TRIM32: variants seen among roughly 807,000 people sequenced by gnomAD.
TRIM32 encodes tripartite motif containing 32.
TRIM32 carries 19 observed loss-of-function variants against 36.0 expected under a neutral mutation model. The observed-to-expected ratio is 0.53, with a 90% confidence interval of 0.37 to 0.77. The LOEUF is 0.77. Ranked by LOEUF, TRIM32 falls within the 30% of genes least tolerant of loss-of-function variation. The probability of loss-of-function intolerance (pLI) is 0.00; values close to 1 mark genes in which losing one functional copy is unlikely to be tolerated. For missense variants in TRIM32, 747 were observed against 845.2 expected (o/e 0.88, Z 1.44); for synonymous variants, 309 against 318.5 (o/e 0.97, Z 0.32).
intron 1 of TRIM32, among the ~76,000 whole-genome samples, chr9:116,692,387 C>T (rs1860615362): frequency 2.0e-5 from 3 of 152,166 alleles, no homozygotes; most frequent in Admixed American, 2.0e-4. Flanking sequence ...GCAGCAGTTG[C>T]TGCTACTGCT....
Position 116,699,256 on chromosome 9 carries a change from T to G in TRIM32, c.1514T>G (p.Val505Gly). The G allele has an allele frequency of 1.2e-6, 2 of 1,614,174 alleles. No individual in the cohort carries two copies. Among genetic ancestry groups the G allele is most frequent in the Non-Finnish European group, 8.5e-7 (1 of 1,180,028 alleles). Residue 505 changes from valine to glycine, a missense_variant, in exon 2 of 2, where the codon GTC becomes GGC. Val to Gly is a moderately radical substitution (Grantham distance 109). Coordinates refer to ENST00000450136, the MANE Select transcript of TRIM32 (RefSeq NM_012210.4). This position sits in a 1 kb window ranked among gnomAD's most constrained non-coding sequence, Gnocchi z 4.2. ...ACAGTTGATCGAGGATCAGGGGTGGTCAAATACAGCTGCCTATGTAGTGCT... is the reference window on the plus strand; with the variant it reads ...ACAGTTGATCGAGGATCAGGGGTGGGCAAATACAGCTGCCTATGTAGTGCT... Reference protein sequence around the residue: ...CFTVDRGSGVVKYSCLCSAVR... With the variant: ...CFTVDRGSGVGKYSCLCSAVR...
intron 1 of TRIM32, among the ~76,000 whole-genome samples, chr9:116,689,870 T>C (rs1266479560): frequency 6.6e-6 from 1 of 152,096 alleles, no homozygotes; most frequent in Non-Finnish European, 1.5e-5. Context: ...ATGGAGGCCA[T>C]TGGCTTGAAA....
rs575633576 is a variant in TRIM32 at position 116,697,811 on chromosome 9, C to T, written c.69C>T (p.Cys23=). 2.2e-5 allele frequency: 35 copies of T among 1,614,078 alleles called. No individual in the cohort carries two copies. The highest frequency in any genetic ancestry group is 2.6e-5 in the Non-Finnish European group (31 of 1,180,052). ...GGGAAGTGCTAGAATGCCCCATCTGCATGGAGTCCTTCACAGAAGAGCAGC... is the reference window on the plus strand; with the variant it reads ...GGGAAGTGCTAGAATGCCCCATCTGTATGGAGTCCTTCACAGAAGAGCAGC... ...ALREVLECPI[C]MESFTEEQLR... is the part of the protein sequence containing the mutation. Residue 23 remains cysteine (C), a synonymous_variant, in exon 2 of 2, where the codon TGC becomes TGT. Transcript: ENST00000450136.
rs533687160 is a variant in TRIM32 at position 116,695,947 on chromosome 9, A to C, written c.-81-1715A>C. 9.2e-5 allele frequency among the ~76,000 whole-genome samples: 14 copies of C among 151,950 alleles called. No individual in the cohort carries two copies. The South Asian group carries it at 2.9e-3, about 32-fold the overall frequency. On this transcript the variant is annotated intron_variant, in intron 1 of 1. Transcript: ENST00000450136. Reference sequence around the variant, plus strand: ...TCTTTGGCTATCTCTGCTCTTCACCACTCCCCCACCATAATCCACTCACCT... The same window carrying C: ...TCTTTGGCTATCTCTGCTCTTCACCCCTCCCCCACCATAATCCACTCACCT...
chr9:116,698,645 T>A lies in TRIM32; in HGVS notation c.903T>A (p.Val301=). The A allele has an allele frequency of 8.7e-6, 14 of 1,614,154 alleles. No individual in the cohort carries two copies. Among genetic ancestry groups the A allele is most frequent in the Non-Finnish European group, 1.2e-5 (14 of 1,180,020 alleles). The part of the protein sequence containing the change: ...IGQAVKKPRT[V]NVEDSWAMEA... ...AAGCTGTTAAGAAGCCCCGGACAGT[T>A]AACGTGGAAGATTCCTGGGCCATGG... Residue 301 remains valine (V), a synonymous_variant, in exon 2 of 2, where the codon GTT becomes GTA. Coordinates refer to ENST00000450136, the MANE Select transcript of TRIM32 (RefSeq NM_012210.4). The surrounding 1 kb of genome is among the most constrained non-coding windows in gnomAD (Gnocchi z 4.4).
In TRIM32 at chr9:116,698,395, G is replaced by T. The variant is rs1310765614; in HGVS notation, c.653G>T (p.Ser218Ile). The T allele has an allele frequency of 6.2e-7, 1 of 1,613,998 alleles. No homozygotes were observed. Among genetic ancestry groups the T allele is most frequent in the African/African-American group, 1.3e-5 (1 of 74,920 alleles). ...GSLAEVEKSN[S>I]QVVEEQSYLL... ...TTGGCTGAAGTTGAGAAGTCCAATAGTCAAGTGGTAGAGGAGCAGAGTTAC... is the reference window on the plus strand; with the variant it reads ...TTGGCTGAAGTTGAGAAGTCCAATATTCAAGTGGTAGAGGAGCAGAGTTAC... The change falls in exon 2 of 2, where the codon AGT (serine) becomes ATT (isoleucine). Residue 218 changes from serine (S) to isoleucine (I), a missense_variant. Transcript: ENST00000450136. The surrounding 1 kb of genome is among the most constrained non-coding windows in gnomAD (Gnocchi z 4.4).
intron 1 of TRIM32, among the ~76,000 whole-genome samples, chr9:116,691,997 A>T (rs988726367): frequency 3.3e-5 from 5 of 152,210 alleles, no homozygotes; most frequent in African/African-American, 1.2e-4. Context: ...TTTAGGGGAA[A>T]GCACTGTTTA....
At position 116,691,235 on chromosome 9, in the gene TRIM32, A is replaced by G. The variant is rs114572089; in HGVS notation, c.-82+3854A>G. ...AGGATCTCCTTGATCCTTTAATCAT[A>G]ATCTCATGATTAAATGAACAGATGT... is the stretch of plus-strand genomic sequence containing the variant. On this transcript the variant is annotated intron_variant, in intron 1 of 1. Coordinates refer to ENST00000450136, the MANE Select transcript of TRIM32 (RefSeq NM_012210.4). 6.3e-3 allele frequency among the ~76,000 whole-genome samples: 962 copies of G among 152,296 alleles called. 11 individuals carry two copies. Among genetic ancestry groups the G allele is most frequent in the African/African-American group, 0.02 (838 of 41,554 alleles).
chr9:116,691,322 A>G lies in TRIM32; in HGVS notation c.-82+3941A>G, dbSNP rs764793062. Reference sequence around the variant, plus strand: ...TGAGGTTAGTTGGAGGTCCCTGAGAAGGGGCTATTGATTTTTCCTTTGTCT... The same window carrying G: ...TGAGGTTAGTTGGAGGTCCCTGAGAGGGGGCTATTGATTTTTCCTTTGTCT... On this transcript the variant is annotated intron_variant, in intron 1 of 1. Transcript: ENST00000450136. Among the ~76,000 whole-genome samples the G allele has an allele frequency of 8.5e-5, 13 of 152,290 alleles. No homozygotes were observed. In the South Asian group the frequency reaches 2.5e-3, roughly 29 times the overall value.
chr9:116,695,850 AG>A (rs1227604330), intron 1 of TRIM32, among the ~76,000 whole-genome samples: 2 of 152,170 alleles, frequency 1.3e-5, no homozygotes, highest in Non-Finnish European at 2.9e-5. Context: ...TGGGTGACGC[AG>A]AGGGTACTCT....
At chr9:116,694,627 A>ATT (rs11340280) in intron 1 of TRIM32, among the ~76,000 whole-genome samples, 20 of 128,036 alleles carry the variant, frequency 1.6e-4, no homozygotes, top group African/African-American at 5.9e-4. Flanking sequence ...CGCCCAGCTA[A>ATT]TTTTTTTTTT....
chr9:116,699,818 G>C lies in TRIM32; in HGVS notation c.*114G>C. 4 of 1,458,212 alleles carry C rather than the reference G, an allele frequency of 2.7e-6. No homozygotes were observed. The highest frequency in any genetic ancestry group is 2.9e-6 in the Non-Finnish European group (3 of 1,052,268). 90.3% of individuals were successfully genotyped at this position (1,458,212 alleles called of 1,614,324 possible). On this transcript the variant is annotated 3_prime_UTR_variant, in exon 2 of 2. Transcript: ENST00000450136. The surrounding 1 kb of genome is among the most constrained non-coding windows in gnomAD (Gnocchi z 4.2). ...CAGCCTATGTCCTGATTCCAGCTGG[G>C]TAGTTCTAGAACTTCAGAAGCTCCA...
chr9:116,699,948 A>C lies in TRIM32; in HGVS notation c.*244A>C. 4 of 603,172 alleles carry C rather than the reference A, an allele frequency of 6.6e-6. No homozygotes were observed. The highest frequency in any genetic ancestry group is 1.2e-5 in the Non-Finnish European group (4 of 338,574). 37.4% of individuals were successfully genotyped at this position (603,172 alleles called of 1,614,324 possible). On this transcript the variant is annotated 3_prime_UTR_variant, in exon 2 of 2. Coordinates refer to ENST00000450136, the MANE Select transcript of TRIM32 (RefSeq NM_012210.4). This position sits in a 1 kb window ranked among gnomAD's most constrained non-coding sequence, Gnocchi z 4.2. ...ATAGGACACACGATGGTGTTAGCTGAAGTTTGATTAGCAATTAGGCACTTC... is the reference window on the plus strand; with the variant it reads ...ATAGGACACACGATGGTGTTAGCTGCAGTTTGATTAGCAATTAGGCACTTC...
chr9:116,699,490 T>C lies in TRIM32; in HGVS notation c.1748T>C (p.Val583Ala). ...EDFRCIAGMC[V>A]DARGDLIVAD... ...TTCCGCTGCATTGCTGGCATGTGTG[T>C]GGATGCTCGTGGTGATCTCATCGTG... Residue 583 changes from valine (V) to alanine (A), a missense_variant, in exon 2 of 2, where the codon GTG (valine) becomes GCG (alanine). By Grantham distance (64) the Val-to-Ala change is moderately conservative. Coordinates refer to ENST00000450136, the MANE Select transcript of TRIM32 (RefSeq NM_012210.4). The surrounding 1 kb of genome is among the most constrained non-coding windows in gnomAD (Gnocchi z 4.2). The C allele has an allele frequency of 1.2e-6, 2 of 1,614,212 alleles. No individual in the cohort carries two copies. The highest frequency in any genetic ancestry group is 8.5e-7 in the Non-Finnish European group (1 of 1,180,030).
In TRIM32 at chr9:116,698,094, G is replaced by T. The variant is rs1257201729; in HGVS notation, c.352G>T (p.Val118Leu). The change falls in exon 2 of 2, where the codon GTG becomes TTG. Residue 118 changes from valine (V) to leucine (L), a missense_variant. Coordinates refer to ENST00000450136, the MANE Select transcript of TRIM32 (RefSeq NM_012210.4). This position sits in a 1 kb window ranked among gnomAD's most constrained non-coding sequence, Gnocchi z 4.4. The part of the protein sequence containing the change: ...PRQFCRSCGL[V>L]LCEPCREADH... ...GCAATTCTGCCGGAGCTGTGGTTTG[G>T]TGTTATGTGAGCCCTGCCGGGAGGC... The T allele has an allele frequency of 1.9e-6, 3 of 1,614,018 alleles. No individual in the cohort carries two copies. Among genetic ancestry groups the T allele is most frequent in the Admixed American group, 1.7e-5 (1 of 60,014 alleles).
chr9:116,688,548 G>A (rs1860392922), intron 1 of TRIM32, among the ~76,000 whole-genome samples: 1 of 152,158 alleles, frequency 6.6e-6, no homozygotes, highest in African/African-American at 2.4e-5. Context: ...TAATCCCTGT[G>A]AAGGGCAGAA....
At chr9:116,693,466 T>TA (rs1860676035) in intron 1 of TRIM32, among the ~76,000 whole-genome samples, 1 of 152,200 alleles carries the variant, frequency 6.6e-6, no homozygotes, top group South Asian at 2.1e-4. Flanking sequence ...TTCTGAGTCT[T>TA]AGGGCAGCCA....
At chr9:116,688,915 A>C (rs745663214) in intron 1 of TRIM32, among the ~76,000 whole-genome samples, 3 of 152,064 alleles carry the variant, frequency 2.0e-5, no homozygotes, top group East Asian at 3.9e-4. Flanking sequence ...TTGAGCATTT[A>C]GTCCTGTGCT....
At chr9:116,689,726 A>C (rs968179269) in intron 1 of TRIM32, among the ~76,000 whole-genome samples, 1 of 152,126 alleles carries the variant, frequency 6.6e-6, no homozygotes, top group African/African-American at 2.4e-5. Context: ...TGGGGGGTAA[A>C]TCTCTCTGAT....
Sources: allele counts gnomAD v4.1 joint callset (sites outside exome capture counted in the v4.1 genomes callset), GRCh38; gene constraint gnomAD v4.1.1; non-coding constraint Gnocchi (gnomAD v3.1); transcripts MANE v1.5; gene names NCBI Gene and HGNC (gene_info 2026-07-23, HGNC 2026-07-21).